The following AK9 variants were observed in gnomAD, a reference collection of about 807,000 sequenced individuals.
AK9 encodes the protein adenylate kinase domain containing 1.
A neutral mutation model predicts 239.6 loss-of-function variants in AK9; 191 were observed. That is an observed-to-expected ratio of 0.80 (90% CI 0.71 to 0.90). The LOEUF (loss-of-function observed/expected upper bound fraction) is 0.90, where lower values mean the gene tolerates loss of function less well. AK9 is among the 40% of genes least tolerant of loss of function. The pLI, the probability that AK9 is intolerant of heterozygous loss-of-function variation, is 0.00. For synonymous variants in AK9, 689 were observed against 721.0 expected (o/e 0.96, Z 0.71); for missense variants, 1,995 against 2,214.7 (o/e 0.90, Z 1.99).
At chr6:109,644,299 C>A (rs1797776678) in intron 9 of AK9, among the ~76,000 whole-genome samples, 1 of 152,002 alleles carries the variant, frequency 6.6e-6, no homozygotes, top group African/African-American at 2.4e-5. Context: ...AAGGGGGTTC[C>A]CCATTGTGGT....
At chr6:109,493,644 G>A in intron 40 of AK9, 73 bp from the exon 41 acceptor site, 1 of 1,271,950 alleles carries the variant, frequency 7.9e-7, no homozygotes, top group South Asian at 1.3e-5. Context: ...AGACCTGGAT[G>A]TGTGGTTGAG....
intron 1 of AK9, among the ~76,000 whole-genome samples, chr6:109,678,643 AAAGATTAATGCGGGAGGCTGGC>A (rs1341639038): frequency 2.6e-5 from 4 of 152,122 alleles, no homozygotes; most frequent in African/African-American, 9.7e-5. Flanking sequence ...GCCCCCCAAA[AAAGATTAATGCGGGAGGCTGGC>A]AAGATAGCTG....
At chr6:109,573,885 T>C (rs903882171) in intron 20 of AK9, among the ~76,000 whole-genome samples, 1 of 152,132 alleles carries the variant, frequency 6.6e-6, no homozygotes, top group Non-Finnish European at 1.5e-5. Flanking sequence ...AATCTAGAAA[T>C]AGCCCAATGT....
chr6:109,632,880 T>C (rs1562522129), intron 12 of AK9, 43 bp downstream of exon 12: 1 of 1,574,482 alleles, frequency 6.4e-7, no homozygotes, highest in Non-Finnish European at 8.7e-7. Context: ...GATAGATAGA[T>C]AGATAGATAG....
intron 29 of AK9, among the ~76,000 whole-genome samples, chr6:109,519,717 C>A (rs978077809): frequency 6.6e-6 from 1 of 151,892 alleles, no homozygotes; most frequent in African/African-American, 2.4e-5. Context: ...ACTGCTTGAG[C>A]CCTGGAGGTT....
intron 10 of AK9, among the ~76,000 whole-genome samples, chr6:109,638,781 C>T (rs1275602257): frequency 1.3e-5 from 2 of 152,170 alleles, no homozygotes; most frequent in South Asian, 2.1e-4. Context: ...AGGTATTTCT[C>T]CTAATGCTAT....
Position 109,545,934 on chromosome 6 carries a change from T to C in AK9, c.3158A>G (p.Lys1053Arg), listed in dbSNP as rs749098714. 1.2e-6 allele frequency: 2 copies of C among 1,614,176 alleles called. No individual in the cohort carries two copies. The highest frequency in any genetic ancestry group is 2.2e-5 in the South Asian group (2 of 91,062). Residue 1053 changes from lysine to arginine, a missense_variant, in exon 26 of 41, where the codon AAA becomes AGA. Transcript: ENST00000424296. ...AATTGCAAGCTCTTCAAGTTCTTGT[T>C]TGGCAGCTTGCTCGTTCTCAGAATC... ...EEDSENEQAAKQELEELAIQA... is the reference protein window; with the variant it reads ...EEDSENEQAARQELEELAIQA...
At chr6:109,661,030 G>A in intron 6 of AK9, 1 of 453,504 alleles carries the variant, frequency 2.2e-6, no homozygotes, top group Non-Finnish European at 4.3e-6. Context: ...ATTTCAAGAG[G>A]TTCATGAATG....
intron 17 of AK9, among the ~76,000 whole-genome samples, chr6:109,605,169 T>C (rs1342617947): frequency 6.6e-6 from 1 of 152,184 alleles, no homozygotes; most frequent in Non-Finnish European, 1.5e-5. Context: ...CAGTTGGGCA[T>C]GGTGGCAAGT....
chr6:109,550,173 T>A lies in AK9; in HGVS notation c.2881A>T (p.Ile961Phe), dbSNP rs758297834. The A allele has an allele frequency of 1.2e-6, 2 of 1,614,002 alleles. No individual in the cohort carries two copies. The highest frequency in any genetic ancestry group is 1.7e-5 in the Admixed American group (1 of 60,002). The change falls in exon 25 of 41, where the codon ATC (isoleucine) becomes TTC (phenylalanine). Residue 961 changes from isoleucine to phenylalanine, a missense_variant. Physicochemically the swap from Ile to Phe is conservative, Grantham distance 21 (BLOSUM62 0). Transcript: ENST00000424296. Reference sequence around the variant, plus strand: ...GCCTCAGCACTTGAAAAGTAGTAGATCTTTTCTCGATACTTGGCTGCTTCT... The same window carrying A: ...GCCTCAGCACTTGAAAAGTAGTAGAACTTTTCTCGATACTTGGCTGCTTCT... ...TEEAAKYREKIYYFSSAEAKE... is the reference protein window; with the variant it reads ...TEEAAKYREKFYYFSSAEAKE...
rs1391913485 is a variant in AK9 at position 109,497,875 on chromosome 6, A to G, written c.5137T>C (p.Ser1713Pro). ...ADMIPKRLTL[S>P]ELKSRFPKCA... ...TTAGGGAATCGACTCTTCAGCTCTG[A>G]CAGTGTCAGTCTTTTGGGGATCATG... The change falls in exon 37 of 41, where the codon TCA becomes CCA. Residue 1713 changes from serine (S) to proline (P), a missense_variant. Physicochemically the swap from Ser to Pro is moderately conservative, Grantham distance 74 (BLOSUM62 -1). Around this residue, in one of 5 missense-constraint regions of AK9, gnomAD observed 391 missense variants for 456.0 expected, o/e 0.86. Coordinates refer to ENST00000424296, the MANE Select transcript of AK9 (RefSeq NM_001145128.3). 3 of 1,613,992 alleles carry G rather than the reference A, an allele frequency of 1.9e-6. No homozygotes were observed. Among genetic ancestry groups the G allele is most frequent in the East Asian group, 2.2e-5 (1 of 44,878 alleles).
chr6:109,505,112 T>C (rs79110496), intron 35 of AK9, among the ~76,000 whole-genome samples: 28 of 152,334 alleles, frequency 1.8e-4, no homozygotes, highest in African/African-American at 6.7e-4. Flanking sequence ...GATCTTTAGG[T>C]GAAAACAGAT....
intron 1 of AK9, among the ~76,000 whole-genome samples, chr6:109,676,790 C>G (rs1771816453): frequency 6.6e-6 from 1 of 151,916 alleles, no homozygotes; most frequent in Non-Finnish European, 1.5e-5. Flanking sequence ...TGCACACATG[C>G]ACACATATGC....
In AK9 at chr6:109,552,494, A is replaced by G. The variant is rs138065639; in HGVS notation, c.2752-2192T>C. Among the ~76,000 whole-genome samples, 302 of 152,286 alleles carry G rather than the reference A, an allele frequency of 2.0e-3. 1 individual carries two copies. The highest frequency in any genetic ancestry group is 6.9e-3 in the African/African-American group (286 of 41,552). On this transcript the variant is annotated intron_variant, in intron 24 of 40. Transcript: ENST00000424296. ...TTTTTCATGTTTGCTGCCCACATAA[A>G]TGTCTTCTTTTGAGAAGTGTCTGTT...
intron 29 of AK9, 189 bp downstream of exon 29, chr6:109,528,822 C>CAGCCTTGAAAAGCTTTTACAAGAG: frequency 1.0e-6 from 1 of 1,000,902 alleles, no homozygotes; most frequent in Non-Finnish European, 1.5e-6. Flanking sequence ...ACAAGAGTGT[C>CAGCCTTGAAAAGCTTTTACAAGAG]TTAAGCCAGA....
At chr6:109,605,699 C>T (rs1197866398) in intron 17 of AK9, among the ~76,000 whole-genome samples, 1 of 152,038 alleles carries the variant, frequency 6.6e-6, no homozygotes, top group Admixed American at 6.6e-5. Context: ...GTTGAAGTAG[C>T]CCAAGTTGCT....
chr6:109,563,410 T>A (rs1401350594), intron 24 of AK9, among the ~76,000 whole-genome samples, 187 bp downstream of exon 24: 1 of 152,346 alleles, frequency 6.6e-6, no homozygotes, highest in Non-Finnish European at 1.5e-5. Context: ...TATCTTTTCA[T>A]GAGTCTTTTT....
intron 20 of AK9, among the ~76,000 whole-genome samples, chr6:109,579,060 A>C (rs1284542769): frequency 1.4e-5 from 2 of 145,868 alleles, no homozygotes; most frequent in Non-Finnish European, 3.0e-5. Context: ...TCTAGGGTGT[A>C]GTTTAAGTCC....
At chr6:109,528,367 A>C (rs1780779038) in intron 29 of AK9, 1 of 360,816 alleles carries the variant, frequency 2.8e-6, no homozygotes, top group Admixed American at 3.7e-5. Flanking sequence ...AGTTTTGCTC[A>C]TGGCTGATTT....
Sources: allele counts gnomAD v4.1 joint callset (sites outside exome capture counted in the v4.1 genomes callset), GRCh38; gene constraint gnomAD v4.1.1; regional missense constraint gnomAD v4.1.1; transcripts MANE v1.5; gene names NCBI Gene and HGNC (gene_info 2026-07-23, HGNC 2026-07-21).